Variants in RGS6 observed in about 807,000 individuals in gnomAD.
RGS6 encodes regulator of G-protein signaling 6.
In RGS6, 30 loss-of-function variants were observed where a neutral mutation model predicts 78.5. The ratio of observed to expected loss-of-function variants is 0.38; its 90% CI spans 0.29 to 0.52. RGS6 has a LOEUF of 0.52. RGS6 is among the 20% of genes least tolerant of loss of function. RGS6 has a pLI of 0.85. For synonymous variants in RGS6, 206 were observed against 206.0 expected (o/e 1.00, Z 0.00); for missense variants, 495 against 609.7 (o/e 0.81, Z 1.98).
chr14:72,547,467 T>G, intron 17 of RGS6: 1 of 738,028 alleles, frequency 1.4e-6, no homozygotes. Context: ...TGAGTGTCCC[T>G]GGTTTGAGTT....
chr14:72,215,099 G>A (rs533459882), intron 2 of RGS6, among the ~76,000 whole-genome samples: 13 of 152,254 alleles, frequency 8.5e-5, no homozygotes, highest in Admixed American at 3.3e-4. Context: ...TGTATTCGTT[G>A]TTGTTCATGT....
At chr14:72,248,833 C>A (rs1189326407) in intron 2 of RGS6, among the ~76,000 whole-genome samples, 1 of 152,182 alleles carries the variant, frequency 6.6e-6, no homozygotes, top group African/African-American at 2.4e-5. Context: ...TAATTTTAAC[C>A]TACAGGTTGA....
intron 14 of RGS6, among the ~76,000 whole-genome samples, chr14:72,510,601 G>T (rs1227072512): frequency 6.6e-6 from 1 of 152,208 alleles, no homozygotes. Flanking sequence ...GAACCAGGGA[G>T]CTTCAGAGTG....
intron 2 of RGS6, among the ~76,000 whole-genome samples, chr14:72,063,232 T>G (rs560659060): frequency 6.3e-4 from 95 of 151,754 alleles, no homozygotes; most frequent in Non-Finnish European, 8.5e-4. Context: ...GAGGAACCAG[T>G]AAAGGGGACC....
intron 2 of RGS6, among the ~76,000 whole-genome samples, chr14:71,981,109 C>G (rs1329726368): frequency 1.3e-5 from 2 of 149,494 alleles, no homozygotes; most frequent in East Asian, 4.0e-4. Context: ...GTTTTCAGCT[C>G]CATCAGCTCC....
chr14:72,529,655 C>A (rs1468334), intron 15 of RGS6, among the ~76,000 whole-genome samples: 3,289 of 152,026 alleles, frequency 0.022, 116 homozygotes, highest in African/African-American at 0.074. Flanking sequence ...CAGACCCCCC[C>A]CTCCCTGCAA....
At position 72,495,485 on chromosome 14, in the gene RGS6, G is replaced by A. The variant is rs557863870; in HGVS notation, c.965+223G>A. Among the ~76,000 whole-genome samples the A allele has an allele frequency of 3.9e-5, 6 of 152,232 alleles. No homozygotes were observed. The East Asian group carries it at 1.2e-3, about 29-fold the overall frequency. On this transcript the variant is annotated intron_variant, in intron 13 of 17. Coordinates refer to ENST00000553525, the MANE Select transcript of RGS6 (RefSeq NM_001204424.2). ...TCCCCTCTGACCCTTTGGATACCATGATAACTGAGACAGTCCCTCACCATT... is the reference window on the plus strand; with the variant it reads ...TCCCCTCTGACCCTTTGGATACCATAATAACTGAGACAGTCCCTCACCATT...
intron 2 of RGS6, among the ~76,000 whole-genome samples, chr14:72,264,426 T>C (rs1271289546): frequency 6.6e-6 from 1 of 152,232 alleles, no homozygotes; most frequent in East Asian, 1.9e-4. Context: ...GGCAAAGAAT[T>C]AGAAAGCCAC....
At chr14:72,527,857 G>A (rs969656532) in intron 15 of RGS6, among the ~76,000 whole-genome samples, 3 of 152,184 alleles carry the variant, frequency 2.0e-5, no homozygotes. Context: ...AAGTCTGGAT[G>A]TGATTCTAGG....
chr14:72,372,206 T>C (rs1228711061), intron 3 of RGS6, among the ~76,000 whole-genome samples: 1 of 152,242 alleles, frequency 6.6e-6, no homozygotes, highest in Admixed American at 6.5e-5. Context: ...CTTTAAAAGC[T>C]AAATTTAGAA....
chr14:71,900,460 T>A, the RGS6 span, among the ~76,000 whole-genome samples: 1 of 152,232 alleles, frequency 6.6e-6, no homozygotes, highest in Non-Finnish European at 1.5e-5. Flanking sequence ...ATCTTGTTTT[T>A]GTATGTGGCC....
chr14:72,392,191 T>C (rs1005750074), intron 3 of RGS6, among the ~76,000 whole-genome samples: 1 of 151,664 alleles, frequency 6.6e-6, no homozygotes, highest in African/African-American at 2.4e-5. Flanking sequence ...TACACAAATA[T>C]ATATATATAT....
intron 2 of RGS6, among the ~76,000 whole-genome samples, chr14:72,198,696 C>T (rs575438856): frequency 5.3e-5 from 8 of 152,328 alleles, no homozygotes; most frequent in South Asian, 4.1e-4. Flanking sequence ...AGAGAAGATA[C>T]GTGGACTTCC....
intron 2 of RGS6, among the ~76,000 whole-genome samples, chr14:72,158,974 A>C (rs1476860065): frequency 3.3e-5 from 5 of 152,252 alleles, no homozygotes; most frequent in Admixed American, 2.0e-4. Flanking sequence ...GCAGCATAAC[A>C]ATAGCATTTA....
intron 2 of RGS6, among the ~76,000 whole-genome samples, chr14:72,055,764 T>C (rs867494132): frequency 5.9e-5 from 9 of 152,304 alleles, no homozygotes; most frequent in South Asian, 2.1e-4. Context: ...GGTAGCCTGA[T>C]ATTGTTAATT....
At chr14:72,515,222 C>T (rs1346063455) in intron 14 of RGS6, among the ~76,000 whole-genome samples, 2 of 151,888 alleles carry the variant, frequency 1.3e-5, no homozygotes, top group African/African-American at 4.8e-5. Context: ...CCCCCTCTCC[C>T]TTCTTGCCCT....
At chr14:72,346,175 TGTG>T (rs576413454) in intron 2 of RGS6, among the ~76,000 whole-genome samples, 54 of 152,386 alleles carry the variant, frequency 3.5e-4, no homozygotes, top group Admixed American at 5.9e-4. Context: ...TTGTTGAAGT[TGTG>T]GTAGATTTTT....
chr14:72,212,242 C>A (rs1217503468), intron 2 of RGS6, among the ~76,000 whole-genome samples: 1 of 152,188 alleles, frequency 6.6e-6, no homozygotes, highest in Admixed American at 6.5e-5. Context: ...ACATGAAGCA[C>A]TGGGCAATGC....
intron 2 of RGS6, among the ~76,000 whole-genome samples, chr14:72,142,973 TCTTA>T (rs1217911562): frequency 1.3e-5 from 2 of 152,164 alleles, no homozygotes; most frequent in African/African-American, 4.8e-5. Context: ...ATAGCAAAGC[TCTTA>T]CTGATATCAG....
Sources: gnomAD v4.1 joint callset for allele counts (sites outside exome capture counted in the v4.1 genomes callset) on GRCh38, gnomAD v4.1.1 for gene constraint, MANE v1.5 for transcripts, NCBI Gene and HGNC (gene_info 2026-07-23, HGNC 2026-07-21) for gene names.